The following PTPN14 variants were observed in gnomAD, a reference collection of about 807,000 sequenced individuals.
PTPN14 encodes tyrosine-protein phosphatase non-receptor type 14.
A neutral mutation model predicts 126.8 loss-of-function variants in PTPN14; 53 were observed. The ratio of observed to expected loss-of-function variants is 0.42; its 90% CI spans 0.34 to 0.53. The LOEUF (loss-of-function observed/expected upper bound fraction) is 0.53. Ranked by LOEUF, PTPN14 falls within the 20% of genes least tolerant of loss-of-function variation. The pLI is 0.08. For missense variants in PTPN14, 1,257 were observed against 1,552.9 expected, an observed-to-expected ratio of 0.81 and a Z score of 3.20; for synonymous variants, 630 against 599.3, an observed-to-expected ratio of 1.05 and a Z score of -0.75.
chr1:214,464,416 T>C (rs1660580648), intron 2 of PTPN14, among the ~76,000 whole-genome samples: 1 of 152,164 alleles, frequency 6.6e-6, no homozygotes, highest in South Asian at 2.1e-4. Context: ...TGCCACGCCA[T>C]GCAGCTCTAG....
At position 214,376,302 on chromosome 1, in the gene PTPN14, C is replaced by T; in HGVS notation, c.2824G>A (p.Val942Ile). Residue 942 changes from valine to isoleucine, a missense_variant, in exon 15 of 19, where the codon GTT (valine) becomes ATT (isoleucine). Transcript: ENST00000366956. Reference sequence around the variant, plus strand: ...ACTCGATTCTCCTCATAGGGGACAACTTCACGGATTCGGCTGCGCTCGGCG... The same window carrying T: ...ACTCGATTCTCCTCATAGGGGACAATTTCACGGATTCGGCTGCGCTCGGCG... The part of the protein sequence containing the change: ...ENAERSRIRE[V>I]VPYEENRVEL... The T allele has an allele frequency of 6.2e-7, 1 of 1,614,182 alleles. No individual in the cohort carries two copies.
At chr1:214,361,102 A>C (rs1657945400) in intron 18 of PTPN14, among the ~76,000 whole-genome samples, 1 of 152,186 alleles carries the variant, frequency 6.6e-6, no homozygotes, top group South Asian at 2.1e-4. Context: ...TGAGTCAACT[A>C]AACCTCTTTC....
chr1:214,485,055 C>T (rs911230820), intron 1 of PTPN14, among the ~76,000 whole-genome samples: 1 of 152,148 alleles, frequency 6.6e-6, no homozygotes, highest in African/African-American at 2.4e-5. Context: ...TAGCAGTAAA[C>T]AATAATCACT....
intron 4 of PTPN14, among the ~76,000 whole-genome samples, chr1:214,412,608 C>T (rs1659331954): frequency 6.6e-6 from 1 of 152,180 alleles, no homozygotes; most frequent in South Asian, 2.1e-4. Context: ...TTGGTTATCA[C>T]ATTCCACCAC....
intron 3 of PTPN14, among the ~76,000 whole-genome samples, chr1:214,432,068 C>G (rs1489245474): frequency 6.6e-6 from 1 of 151,894 alleles, no homozygotes; most frequent in African/African-American, 2.4e-5. Context: ...GCCTGTAGTC[C>G]CAGCTACACC....
At chr1:214,508,449 T>C (rs553001052) in intron 1 of PTPN14, among the ~76,000 whole-genome samples, 4 of 152,338 alleles carry the variant, frequency 2.6e-5, no homozygotes, top group African/African-American at 7.2e-5. Context: ...AGTTTTATCA[T>C]GAGACCGCAG....
intron 3 of PTPN14, among the ~76,000 whole-genome samples, chr1:214,434,489 G>A (rs564769260): frequency 6.1e-4 from 93 of 151,870 alleles, no homozygotes; most frequent in African/African-American, 2.2e-3. Flanking sequence ...AAAGCAATGA[G>A]TAAGTTAACA....
At chr1:214,399,805 CTT>C (rs1241028500) in intron 7 of PTPN14, among the ~76,000 whole-genome samples, 1 of 152,156 alleles carries the variant, frequency 6.6e-6, no homozygotes, top group East Asian at 1.9e-4. Context: ...CTTACCATTA[CTT>C]TGTTTTTTGG....
chr1:214,485,253 C>A (rs953675986), intron 1 of PTPN14, among the ~76,000 whole-genome samples: 1 of 152,126 alleles, frequency 6.6e-6, no homozygotes, highest in Non-Finnish European at 1.5e-5. Context: ...ATTCTGAGCA[C>A]TTATAAGTGA....
At chr1:214,404,301 T>C (rs771186334) in intron 5 of PTPN14, among the ~76,000 whole-genome samples, 1 of 152,218 alleles carries the variant, frequency 6.6e-6, no homozygotes, top group Non-Finnish European at 1.5e-5. Flanking sequence ...GACGGGGAAT[T>C]ATGGCAGCTC....
At chr1:214,417,543 G>C (rs1314514254) in intron 3 of PTPN14, among the ~76,000 whole-genome samples, 1 of 152,138 alleles carries the variant, frequency 6.6e-6, no homozygotes, top group East Asian at 1.9e-4. Flanking sequence ...TTTTGACAGA[G>C]TATCAAAGGA....
chr1:214,478,533 T>C (rs926936655), intron 1 of PTPN14, among the ~76,000 whole-genome samples: 1 of 152,150 alleles, frequency 6.6e-6, no homozygotes, highest in East Asian at 1.9e-4. Flanking sequence ...ATTATCACCA[T>C]TGTATTTGGA....
chr1:214,501,379 A>G (rs1654694022), intron 1 of PTPN14, among the ~76,000 whole-genome samples: 1 of 152,076 alleles, frequency 6.6e-6, no homozygotes, highest in African/African-American at 2.4e-5. Context: ...GGCTGGGACT[A>G]CAGGTGCCCA....
At chr1:214,516,052 T>C (rs1202356725) in intron 1 of PTPN14, among the ~76,000 whole-genome samples, 1 of 152,172 alleles carries the variant, frequency 6.6e-6, no homozygotes, top group Non-Finnish European at 1.5e-5. Flanking sequence ...CACTCCTCTT[T>C]CGATAACATA....
chr1:214,440,454 C>G (rs1660014522), intron 3 of PTPN14, among the ~76,000 whole-genome samples: 1 of 152,064 alleles, frequency 6.6e-6, no homozygotes, highest in Non-Finnish European at 1.5e-5. Flanking sequence ...ATATTGTGAG[C>G]AATAAAGAGA....
chr1:214,390,454 G>C (rs1658722495), intron 11 of PTPN14, among the ~76,000 whole-genome samples: 1 of 152,170 alleles, frequency 6.6e-6, no homozygotes, highest in Non-Finnish European at 1.5e-5. Context: ...TAAAATTATG[G>C]AAGTGCTTTG....
intron 9 of PTPN14, among the ~76,000 whole-genome samples, chr1:214,394,139 A>G (rs1207253189): frequency 6.6e-6 from 1 of 152,236 alleles, no homozygotes; most frequent in African/African-American, 2.4e-5. Context: ...AGGCAGTGAG[A>G]TGCCTTGGCT....
chr1:214,479,202 C>T (rs1660930116), intron 1 of PTPN14, among the ~76,000 whole-genome samples: 1 of 151,976 alleles, frequency 6.6e-6, no homozygotes, highest in African/African-American at 2.4e-5. Flanking sequence ...TAAAAATTAA[C>T]TGAATGTGGT....
chr1:214,402,810 G>C, intron 6 of PTPN14, 73 bp downstream of exon 6: 1 of 1,519,416 alleles, frequency 6.6e-7, no homozygotes, highest in Non-Finnish European at 9.1e-7. Context: ...CTGATAGGGA[G>C]ATGGATGCCT....
Sources: gnomAD v4.1 joint callset for allele counts (sites outside exome capture counted in the v4.1 genomes callset) on GRCh38, gnomAD v4.1.1 for gene constraint, MANE v1.5 for transcripts, NCBI Gene and HGNC (gene_info 2026-07-23, HGNC 2026-07-21) for gene names.